The following PDZD2 variants were observed in gnomAD, a reference collection of about 807,000 sequenced individuals.
PDZD2 encodes the protein PDZ domain-containing protein 2.
In PDZD2, 90 loss-of-function variants were observed where a neutral mutation model predicts 220.7. That is an observed-to-expected ratio of 0.41 (90% CI 0.34 to 0.49). The LOEUF (loss-of-function observed/expected upper bound fraction) is 0.49. PDZD2 is among the 20% of genes least tolerant of loss of function. The pLI, the probability that PDZD2 is intolerant of heterozygous loss-of-function variation, is 0.28. For synonymous variants in PDZD2, 1,375 were observed against 1,450.5 expected, an observed-to-expected ratio of 0.95 and a Z score of 1.18; for missense variants, 3,174 against 3,608.5, an observed-to-expected ratio of 0.88 and a Z score of 3.08.
chr5:31,726,282 G>A (rs552625012), intron 1 of PDZD2, among the ~76,000 whole-genome samples: 10 of 152,214 alleles, frequency 6.6e-5, no homozygotes, highest in Admixed American at 2.6e-4. Flanking sequence ...TAATCCCACC[G>A]CTTTGGGAGG....
At chr5:31,821,064 TCTCCTTA>T (rs146157409) in intron 2 of PDZD2, among the ~76,000 whole-genome samples, 1,940 of 152,190 alleles carry the variant, frequency 0.013, 31 homozygotes, top group African/African-American at 0.045. Flanking sequence ...TGGTTAAAAT[TCTCCTTA>T]ATCTTTTAAA....
intron 1 of PDZD2, chr5:31,742,028 G>T (rs1025933351): frequency 6.6e-6 from 1 of 152,220 alleles, no homozygotes; most frequent in East Asian, 1.9e-4. Flanking sequence ...AGCCTTGATT[G>T]CTTCCCCACT....
At chr5:31,796,224 C>T (rs1346779507) in intron 1 of PDZD2, among the ~76,000 whole-genome samples, 1 of 152,180 alleles carries the variant, frequency 6.6e-6, no homozygotes, top group Middle Eastern at 3.4e-3. Context: ...TACCTTTTTT[C>T]TTTCATTTTA....
intron 2 of PDZD2, among the ~76,000 whole-genome samples, chr5:31,862,946 C>T (rs1455996773): frequency 1.3e-5 from 2 of 152,228 alleles, no homozygotes; most frequent in Non-Finnish European, 1.5e-5. Context: ...CCAGGCTGGT[C>T]TCAAACTCCT....
chr5:31,977,107 C>A (rs927926415), intron 2 of PDZD2, among the ~76,000 whole-genome samples: 2 of 151,840 alleles, frequency 1.3e-5, no homozygotes, highest in Non-Finnish European at 2.9e-5. Context: ...ACCCTCCTAC[C>A]GTGGCCTCCA....
chr5:31,804,647 C>T (rs940145483), intron 2 of PDZD2, among the ~76,000 whole-genome samples: 2 of 148,896 alleles, frequency 1.3e-5, no homozygotes, highest in African/African-American at 4.8e-5. Context: ...CTGCATTGTA[C>T]GACCTCAACT....
At chr5:31,698,472 G>A (rs1221096281) in intron 1 of PDZD2, among the ~76,000 whole-genome samples, 99 of 151,124 alleles carry the variant, frequency 6.6e-4, no homozygotes, top group Middle Eastern at 3.4e-3. Flanking sequence ...GGTAGCGGGC[G>A]CCTGTAGTCC....
chr5:31,931,715 G>A (rs1270032942), intron 2 of PDZD2, among the ~76,000 whole-genome samples: 1 of 152,208 alleles, frequency 6.6e-6, no homozygotes, highest in Admixed American at 6.5e-5. Context: ...CCAGAGAGCT[G>A]GAGGCAGCTC....
chr5:31,846,322 A>G (rs563004599), intron 2 of PDZD2, among the ~76,000 whole-genome samples: 42 of 152,260 alleles, frequency 2.8e-4, no homozygotes, highest in African/African-American at 1.0e-3. Context: ...TTTAGTAGAG[A>G]CAAGGTTTCA....
At chr5:32,032,102 C>A (rs1755166247) in intron 6 of PDZD2, among the ~76,000 whole-genome samples, 1 of 152,230 alleles carries the variant, frequency 6.6e-6, no homozygotes, top group African/African-American at 2.4e-5. Flanking sequence ...TCAGGTACAG[C>A]TGAGAAGCTT....
chr5:31,863,100 T>C (rs1737876707), intron 2 of PDZD2, among the ~76,000 whole-genome samples: 1 of 152,180 alleles, frequency 6.6e-6, no homozygotes, highest in African/African-American at 2.4e-5. Flanking sequence ...GTCAGGCTGG[T>C]CTCGAACTCC....
chr5:31,648,884 T>G (rs1745232909), intron 1 of PDZD2, among the ~76,000 whole-genome samples: 1 of 151,944 alleles, frequency 6.6e-6, no homozygotes, highest in Non-Finnish European at 1.5e-5. Context: ...GGTTCACTCT[T>G]ACATTCTATG....
intron 1 of PDZD2, among the ~76,000 whole-genome samples, chr5:31,734,615 A>G (rs1453018411): frequency 6.6e-6 from 1 of 152,086 alleles, no homozygotes; most frequent in African/African-American, 2.4e-5. Flanking sequence ...CACCATGCCT[A>G]GCCCATTTTG....
chr5:32,040,432 C>CCA, intron 7 of PDZD2, among the ~76,000 whole-genome samples: 2 of 143,188 alleles, frequency 1.4e-5, no homozygotes, highest in African/African-American at 5.3e-5. Context: ...GCGTCTCTGC[C>CCA]GGACTGCCCA....
intron 7 of PDZD2, among the ~76,000 whole-genome samples, chr5:32,048,116 G>A (rs1738155010): frequency 6.6e-6 from 1 of 152,110 alleles, no homozygotes; most frequent in Non-Finnish European, 1.5e-5. Context: ...TTAATCAAAA[G>A]TTTATTTTAA....
chr5:32,107,231 C>T (rs1160325867), intron 24 of PDZD2: 1 of 152,008 alleles, frequency 6.6e-6, no homozygotes, highest in Non-Finnish European at 1.5e-5. Flanking sequence ...CAAAGCTAGA[C>T]AAAGCTATAA....
intron 2 of PDZD2, among the ~76,000 whole-genome samples, chr5:31,854,523 C>T (rs1447286902): frequency 6.6e-6 from 1 of 152,178 alleles, no homozygotes; most frequent in African/African-American, 2.4e-5. Context: ...GGGGGCTCCA[C>T]CCCTGTAAGA....
At chr5:32,086,640 C>G (rs1329770986) in intron 19 of PDZD2, among the ~76,000 whole-genome samples, 2 of 151,734 alleles carry the variant, frequency 1.3e-5, no homozygotes, top group Non-Finnish European at 2.9e-5. Context: ...AGAAGGGCCT[C>G]CATTTAGGCC....
chr5:31,953,731 C>T (rs1019192470), intron 2 of PDZD2, among the ~76,000 whole-genome samples: 17 of 151,698 alleles, frequency 1.1e-4, no homozygotes, highest in African/African-American at 2.9e-4. Flanking sequence ...CTCGGCTCAC[C>T]GCAACCTCTG....
Sources: allele counts gnomAD v4.1 joint callset (sites outside exome capture counted in the v4.1 genomes callset), GRCh38; gene constraint gnomAD v4.1.1; transcripts MANE v1.5; gene names NCBI Gene and HGNC (gene_info 2026-07-23, HGNC 2026-07-21).